The following HSD17B11 variants were observed in gnomAD, a reference collection of about 807,000 sequenced individuals.
HSD17B11 encodes the protein hydroxysteroid 17-beta dehydrogenase 11, also known as estradiol 17-beta-dehydrogenase 11.
Under a neutral mutation model 27.8 loss-of-function variants are expected in HSD17B11, and 22 were observed. That is an observed-to-expected ratio of 0.79 (90% CI 0.56 to 1.13). HSD17B11 has a LOEUF of 1.13. HSD17B11 is among the 50% of genes most tolerant of loss of function. HSD17B11 has a pLI of 0.00. For missense variants in HSD17B11, 314 were observed against 351.1 expected (o/e 0.89, Z 0.84); for synonymous variants, 117 against 132.8 (o/e 0.88, Z 0.82).
chr4:87,354,277 C>T (rs1735339188), intron 5 of HSD17B11, among the ~76,000 whole-genome samples: 1 of 151,724 alleles, frequency 6.6e-6, no homozygotes, highest in African/African-American at 2.4e-5. Context: ...CCAGCCTGAC[C>T]AATATGATGA....
At chr4:87,362,259 T>C (rs922977754) in intron 4 of HSD17B11, among the ~76,000 whole-genome samples, 3 of 152,228 alleles carry the variant, frequency 2.0e-5, no homozygotes, top group African/African-American at 7.2e-5. Context: ...GTGCAGTGGC[T>C]CACGCCTGTA....
chr4:87,339,693 C>T (rs982716448), intron 6 of HSD17B11, among the ~76,000 whole-genome samples: 1 of 152,156 alleles, frequency 6.6e-6, no homozygotes, highest in Non-Finnish European at 1.5e-5. Flanking sequence ...ATGAGACATT[C>T]GTGAAACTAG....
chr4:87,345,062 G>C (rs1735244596), intron 5 of HSD17B11: 1 of 152,270 alleles, frequency 6.6e-6, no homozygotes, highest in African/African-American at 2.4e-5. Flanking sequence ...CCAGGAGTTT[G>C]AGATCAGCCT....
intron 6 of HSD17B11, among the ~76,000 whole-genome samples, chr4:87,338,946 T>G (rs1735110363): frequency 6.6e-6 from 1 of 152,230 alleles, no homozygotes; most frequent in Admixed American, 6.5e-5. Context: ...GTTAAAAAAC[T>G]AATCCATGTT....
chr4:87,357,949 ATTTTTTTTTTTT>A (rs57139706), intron 4 of HSD17B11, among the ~76,000 whole-genome samples: 7 of 80,172 alleles, frequency 8.7e-5, no homozygotes, highest in Non-Finnish European at 1.5e-4. Context: ...CATTAGAGAA[ATTTTTTTTTTTT>A]TTTTTTTTTT....
chr4:87,337,772 C>T (rs923124626), intron 6 of HSD17B11, among the ~76,000 whole-genome samples: 1 of 152,238 alleles, frequency 6.6e-6, no homozygotes, highest in Non-Finnish European at 1.5e-5. Flanking sequence ...GGAAGTAGAA[C>T]TGCTAAATAA....
chr4:87,386,064 AC>A (rs1306054057), intron 1 of HSD17B11, among the ~76,000 whole-genome samples: 1 of 152,062 alleles, frequency 6.6e-6, no homozygotes, highest in African/African-American at 2.4e-5. Context: ...GCTTTCTGTA[AC>A]CACCAAGCAA....
At chr4:87,375,216 G>A (rs573150430) in intron 2 of HSD17B11, among the ~76,000 whole-genome samples, 3 of 152,132 alleles carry the variant, frequency 2.0e-5, no homozygotes, top group Non-Finnish European at 4.4e-5. Flanking sequence ...AATGACTCTT[G>A]TTTTTCTGCT....
chr4:87,389,892 T>C (rs576224245), intron 1 of HSD17B11, among the ~76,000 whole-genome samples: 64 of 152,290 alleles, frequency 4.2e-4, no homozygotes, highest in African/African-American at 1.4e-3. Context: ...TTTTTCCCTT[T>C]TATTGTTTTT....
chr4:87,383,651 C>T (rs75103691), intron 1 of HSD17B11, among the ~76,000 whole-genome samples: 2,227 of 151,488 alleles, frequency 0.015, 50 homozygotes, highest in African/African-American at 0.051. Flanking sequence ...CAATTTGGGG[C>T]GCCAATTTTG....
intron 5 of HSD17B11, 64 bp downstream of exon 5, chr4:87,357,215 A>G: frequency 6.6e-7 from 1 of 1,522,890 alleles, no homozygotes; most frequent in Non-Finnish European, 8.9e-7. Context: ...CATTTAGGAA[A>G]ACCCACAGAA....
In HSD17B11 at chr4:87,352,777, C is replaced by T. The variant is rs9715072; in HGVS notation, c.695+4502G>A. 1.1e-3 allele frequency among the ~76,000 whole-genome samples: 11 copies of T among 10,108 alleles called. 1 individual carries two copies. Among genetic ancestry groups the T allele is most frequent in the East Asian group, 9.8e-3 (10 of 1,022 alleles). The allele number at this position is 10,108 out of a possible 152,430, so 6.6% of individuals were successfully genotyped here. A position where few individuals can be genotyped will look rare whatever the true frequency, so the allele number is the denominator to read the frequency against. ...GCTGTGCTAGCAATCAGCGAGATTC[C>T]GTGGGCGTAGGACCCTCCGAGCCAG... On this transcript the variant is annotated intron_variant, in intron 5 of 6. Transcript: ENST00000358290.
At chr4:87,388,149 C>T (rs1251582675) in intron 1 of HSD17B11, among the ~76,000 whole-genome samples, 1 of 132,224 alleles carries the variant, frequency 7.6e-6, no homozygotes, top group Non-Finnish European at 1.5e-5. Flanking sequence ...TAATTTTAAT[C>T]TTTCTAGTAG....
chr4:87,355,498 T>C (rs991585706), intron 5 of HSD17B11, among the ~76,000 whole-genome samples: 1 of 151,864 alleles, frequency 6.6e-6, no homozygotes, highest in Non-Finnish European at 1.5e-5. Flanking sequence ...GAAAATAGGC[T>C]TAAAAGCAAA....
intron 5 of HSD17B11, among the ~76,000 whole-genome samples, chr4:87,354,651 T>A (rs12505512): frequency 0.15 from 19,987 of 136,996 alleles, 1,656 homozygotes; most frequent in African/African-American, 0.18. Context: ...TCAAAAAAAA[T>A]AAAAAAAATA....
intron 1 of HSD17B11, among the ~76,000 whole-genome samples, chr4:87,383,897 T>C (rs1474676349): frequency 6.6e-6 from 1 of 152,104 alleles, no homozygotes; most frequent in East Asian, 1.9e-4. Flanking sequence ...CAATTACTTT[T>C]GCATCAACCT....
At chr4:87,359,836 A>G (rs938308046) in intron 4 of HSD17B11, among the ~76,000 whole-genome samples, 1 of 152,210 alleles carries the variant, frequency 6.6e-6, no homozygotes, top group African/African-American at 2.4e-5. Context: ...AGGTTTATAT[A>G]TGATATATTC....
chr4:87,391,138 G>C lies in HSD17B11; in HGVS notation c.-68C>G. The stretch of plus-strand genomic sequence containing the variant: ...TTACCACTCTAAACTGCTTTTAGAG[G>C]GTAGCTCGATCTAACACCAGAAAGA... On this transcript the variant is annotated 5_prime_UTR_variant, in exon 1 of 7. Transcript: ENST00000358290. 2.4e-6 allele frequency: 3 copies of C among 1,229,306 alleles called. No homozygotes were observed. The highest frequency in any genetic ancestry group is 3.4e-6 in the Non-Finnish European group (3 of 875,606). 76.1% of individuals were successfully genotyped at this position (1,229,306 alleles called of 1,614,324 possible). A position where few individuals can be genotyped will look rare whatever the true frequency, so the allele number is the denominator to read the frequency against.
At chr4:87,389,321 C>T (rs1180248174) in intron 1 of HSD17B11, among the ~76,000 whole-genome samples, 1 of 152,182 alleles carries the variant, frequency 6.6e-6, no homozygotes, top group Admixed American at 6.5e-5. Context: ...CTCCCAGGTT[C>T]AAGCAGTTCT....
Sources: allele counts gnomAD v4.1 joint callset (sites outside exome capture counted in the v4.1 genomes callset), GRCh38; gene constraint gnomAD v4.1.1; transcripts MANE v1.5; gene names NCBI Gene and HGNC (gene_info 2026-07-23, HGNC 2026-07-21).